The following SV2C variants were observed in gnomAD, a reference collection of about 807,000 sequenced individuals.
SV2C encodes the protein synaptic vesicle glycoprotein 2C.
A neutral mutation model predicts 79.7 loss-of-function variants in SV2C; 49 were observed. The ratio of observed to expected loss-of-function variants is 0.61; its 90% CI spans 0.49 to 0.78. The LOEUF is 0.78. Ranked by LOEUF, SV2C falls within the 30% of genes least tolerant of loss-of-function variation. The probability of loss-of-function intolerance (pLI) is 0.00; values close to 1 mark genes in which losing one functional copy is unlikely to be tolerated. For synonymous variants in SV2C, 334 were observed against 333.2 expected, an observed-to-expected ratio of 1.00 and a Z score of -0.03; for missense variants, 833 against 912.9, an observed-to-expected ratio of 0.91 and a Z score of 1.13.
intron 1 of SV2C, among the ~76,000 whole-genome samples, chr5:76,090,375 G>T (rs1160900683): frequency 6.6e-6 from 1 of 152,206 alleles, no homozygotes; most frequent in Non-Finnish European, 1.5e-5. Flanking sequence ...TGCATGCAGA[G>T]CATTGTATTT....
chr5:76,344,623 C>G (rs246823), intron 12 of SV2C, among the ~76,000 whole-genome samples: 1 of 151,938 alleles, frequency 6.6e-6, no homozygotes, highest in Non-Finnish European at 1.5e-5. Flanking sequence ...GTAGGAGAAT[C>G]GCTTGAACCT....
chr5:76,010,881 A>G, the SV2C span, among the ~76,000 whole-genome samples: 1 of 152,206 alleles, frequency 6.6e-6, no homozygotes, highest in Non-Finnish European at 1.5e-5. Flanking sequence ...AATTTGGTGT[A>G]GACTGCTAAT....
chr5:76,223,321 G>A (rs1261666671), intron 4 of SV2C, among the ~76,000 whole-genome samples: 3 of 150,944 alleles, frequency 2.0e-5, no homozygotes, highest in Admixed American at 1.3e-4. Flanking sequence ...CTAGCTATTT[G>A]GGAAGCTGAA....
At chr5:75,975,916 G>C in the SV2C span, among the ~76,000 whole-genome samples, 6 of 152,268 alleles carry the variant, frequency 3.9e-5, no homozygotes, top group African/African-American at 1.4e-4. Context: ...CAGAGATTAT[G>C]CTTTCCTGTT....
At chr5:76,046,123 G>A in the SV2C span, among the ~76,000 whole-genome samples, 1 of 152,148 alleles carries the variant, frequency 6.6e-6, no homozygotes, top group Non-Finnish European at 1.5e-5. Context: ...TTAGACCAGG[G>A]TGAGGGGGAA....
intron 1 of SV2C, among the ~76,000 whole-genome samples, chr5:76,087,537 T>C (rs1458622563): frequency 6.6e-6 from 1 of 152,210 alleles, no homozygotes; most frequent in Non-Finnish European, 1.5e-5. Context: ...AATAGTTGTG[T>C]ATATCATATT....
At chr5:76,266,420 C>T (rs1428041848) in intron 4 of SV2C, among the ~76,000 whole-genome samples, 2 of 152,150 alleles carry the variant, frequency 1.3e-5, no homozygotes, top group Non-Finnish European at 2.9e-5. Context: ...GTTGGCCAGG[C>T]TGGTCTCAAA....
chr5:76,172,046 C>G lies in SV2C; in HGVS notation c.581-22873C>G, dbSNP rs1393517724. On this transcript the variant is annotated intron_variant, in intron 2 of 12. Coordinates refer to ENST00000502798, the MANE Select transcript of SV2C (RefSeq NM_014979.4). ...TCTGGGAGGTGAGGGGCGCCTCTGCCCAGCCGCCCCTACTGGGAAGTGAGG... is the reference window on the plus strand; with the variant it reads ...TCTGGGAGGTGAGGGGCGCCTCTGCGCAGCCGCCCCTACTGGGAAGTGAGG... Among the ~76,000 whole-genome samples, 3 of 101,704 alleles carry G rather than the reference C, an allele frequency of 2.9e-5. No individual in the cohort carries two copies. In the East Asian group the frequency reaches 1.0e-3, roughly 35 times the overall value. The allele number at this position is 101,704 out of a possible 152,430, so 66.7% of individuals were successfully genotyped here.
At chr5:76,064,437 A>G in the SV2C span, among the ~76,000 whole-genome samples, 4 of 152,236 alleles carry the variant, frequency 2.6e-5, no homozygotes, top group Non-Finnish European at 5.9e-5. Context: ...TGTGTGCATT[A>G]AACTTGTTAT....
Position 76,330,118 on chromosome 5 carries a change from T to A in SV2C, c.*4571T>A, listed in dbSNP as rs868147237. 2.6e-5 allele frequency: 4 copies of A among 152,144 alleles called. 1 individual carries two copies. Among genetic ancestry groups the A allele is most frequent in the African/African-American group, 4.8e-5 (2 of 41,416 alleles). 9.4% of individuals were successfully genotyped at this position (152,144 alleles called of 1,614,324 possible). On this transcript the variant is annotated 3_prime_UTR_variant, in exon 13 of 13. Coordinates refer to ENST00000502798, the MANE Select transcript of SV2C (RefSeq NM_014979.4). ...TCTGGATGTATTGTGTGTCCCTTCA[T>A]TGTTTCAGGTATGGCGTAACAGTTC...
chr5:75,884,386 C>T, the SV2C span, among the ~76,000 whole-genome samples: 3 of 152,180 alleles, frequency 2.0e-5, no homozygotes, highest in East Asian at 1.9e-4. Flanking sequence ...GTTTTAACTC[C>T]AATAACAAAT....
intron 2 of SV2C, among the ~76,000 whole-genome samples, chr5:76,150,898 A>G (rs35683245): frequency 0.41 from 62,599 of 151,756 alleles, 13,498 homozygotes; most frequent in Middle Eastern, 0.5. Context: ...CCTTGGCCTC[A>G]CAAAGTGTTG....
At chr5:76,020,808 GGT>G in the SV2C span, among the ~76,000 whole-genome samples, 1 of 152,254 alleles carries the variant, frequency 6.6e-6, no homozygotes, top group East Asian at 1.9e-4. Context: ...TAAGAAAGCA[GGT>G]GTGCTTTTTC....
At chr5:76,186,687 A>G (rs7448058) in intron 2 of SV2C, among the ~76,000 whole-genome samples, 120,550 of 151,846 alleles carry the variant, frequency 0.79, 48,420 homozygotes, top group East Asian at 0.91. Context: ...GTGAGACCTT[A>G]TCTCAAACAA....
At chr5:76,184,009 G>T (rs571118112) in intron 2 of SV2C, among the ~76,000 whole-genome samples, 16 of 152,202 alleles carry the variant, frequency 1.1e-4, no homozygotes, top group African/African-American at 3.4e-4. Context: ...AATCTCCCAG[G>T]AAACCAAAGG....
At chr5:75,901,973 T>A in the SV2C span, among the ~76,000 whole-genome samples, 2 of 152,332 alleles carry the variant, frequency 1.3e-5, no homozygotes, top group African/African-American at 4.8e-5. Context: ...GTGACCCGAT[T>A]TTCCAGGTGC....
intron 1 of SV2C, among the ~76,000 whole-genome samples, chr5:76,106,942 C>T (rs1747936880): frequency 6.6e-6 from 1 of 152,176 alleles, no homozygotes; most frequent in Non-Finnish European, 1.5e-5. Flanking sequence ...ATTGTTGCAT[C>T]CCAAGTGCCC....
chr5:76,229,152 C>A (rs188047119), intron 4 of SV2C, among the ~76,000 whole-genome samples: 199 of 152,336 alleles, frequency 1.3e-3, no homozygotes, highest in African/African-American at 4.6e-3. Flanking sequence ...GGAAACCCCA[C>A]CAACACCCAT....
At chr5:75,929,941 G>C in the SV2C span, among the ~76,000 whole-genome samples, 1 of 152,176 alleles carries the variant, frequency 6.6e-6, no homozygotes, top group African/African-American at 2.4e-5. Flanking sequence ...AACTTTTGCT[G>C]TCAAAGTCCT....
Sources: gnomAD v4.1 joint callset for allele counts (sites outside exome capture counted in the v4.1 genomes callset) on GRCh38, gnomAD v4.1.1 for gene constraint, MANE v1.5 for transcripts, NCBI Gene and HGNC (gene_info 2026-07-23, HGNC 2026-07-21) for gene names.